Variants in ASMTL observed in about 807,000 individuals in gnomAD.
ASMTL encodes the protein probable bifunctional dTTP/UTP pyrophosphatase/methyltransferase protein.
A neutral mutation model predicts 60.3 loss-of-function variants in ASMTL; 57 were observed. The ratio of observed to expected loss-of-function variants is 0.95; its 90% confidence interval spans 0.76 to 1.18. The LOEUF (loss-of-function observed/expected upper bound fraction) is 1.18, where lower values mean the gene tolerates loss of function less well. Among genes scored for constraint, ASMTL ranks in the 50% most tolerant of loss-of-function variants. The pLI is 0.00. For missense variants in ASMTL, 981 were observed against 852.6 expected, an observed-to-expected ratio of 1.15 and a Z score of -1.88; for synonymous variants, 419 against 373.0, an observed-to-expected ratio of 1.12 and a Z score of -1.42.
intron 1 of ASMTL, among the ~76,000 whole-genome samples, chrX:1,451,484 TA>T (rs2091382107): frequency 1.1e-4 from 7 of 64,362 alleles, no homozygotes; most frequent in East Asian, 4.9e-4. Flanking sequence ...TTACTCTCCC[TA>T]CCCCCATCCC....
At position 1,421,732 on chromosome X, in the gene ASMTL, G is replaced by A; in HGVS notation, c.1171C>T (p.Leu391=). 1 of 1,613,924 alleles carries A rather than the reference G, an allele frequency of 6.2e-7. No individual in the cohort carries two copies. The highest frequency in any genetic ancestry group is 1.1e-5 in the South Asian group (1 of 91,076). Residue 391 remains leucine (L), a synonymous_variant, in exon 9 of 13, where the codon CTG becomes TTG. Coordinates refer to ENST00000381317, the MANE Select transcript of ASMTL (RefSeq NM_004192.4). ...NDLTWNLFTY[L]EFAIREGTNQ... ...GTTCCCTCTCGGATGGCAAACTCCA[G>A]GTATGTAAAGAGGTTCCATGTGAGG...
chrX:1,420,236 G>GTC (rs2090444284), intron 9 of ASMTL, among the ~76,000 whole-genome samples: 1 of 150,186 alleles, frequency 6.7e-6, no homozygotes, highest in Non-Finnish European at 1.5e-5. Context: ...CTCACTATCT[G>GTC]TCTCCCATCT....
At chrX:1,427,502 C>T (rs1246709292) in intron 7 of ASMTL, among the ~76,000 whole-genome samples, 7 of 138,526 alleles carry the variant, frequency 5.1e-5, no homozygotes, top group Non-Finnish European at 1.1e-4. Context: ...ACGTGGAGGA[C>T]GTGGCAGAGA....
chrX:1,423,773 CA>C (rs2090538462), intron 8 of ASMTL, among the ~76,000 whole-genome samples: 17 of 85,962 alleles, frequency 2.0e-4, no homozygotes, highest in South Asian at 7.1e-4. Context: ...TCCGTCCACC[CA>C]CCCATCCATC....
chrX:1,445,388 A>G (rs1205528045), intron 1 of ASMTL, among the ~76,000 whole-genome samples: 1 of 152,110 alleles, frequency 6.6e-6, no homozygotes. Context: ...AACCTGGCCA[A>G]ACTTGGCTTA....
intron 8 of ASMTL, among the ~76,000 whole-genome samples, chrX:1,423,038 CGTCTCCTGG>C (rs1429012535): frequency 6.6e-6 from 1 of 152,104 alleles, no homozygotes; most frequent in Non-Finnish European, 1.5e-5. Flanking sequence ...CTGCAAGCTC[CGTCTCCTGG>C]GTTCATGCCA....
chrX:1,440,576 AC>A (rs1468269195), intron 2 of ASMTL, among the ~76,000 whole-genome samples: 1 of 152,232 alleles, frequency 6.6e-6, no homozygotes, highest in African/African-American at 2.4e-5. Context: ...GTCATATATA[AC>A]ATATAGTAAT....
At chrX:1,415,847 C>T (rs1255273188) in intron 11 of ASMTL, among the ~76,000 whole-genome samples, 1 of 151,814 alleles carries the variant, frequency 6.6e-6, no homozygotes, top group African/African-American at 2.4e-5. Flanking sequence ...GACGCACAGA[C>T]ACAGACACAG....
At chrX:1,418,544 A>G (rs2149294623) in intron 10 of ASMTL, among the ~76,000 whole-genome samples, 1 of 152,106 alleles carries the variant, frequency 6.6e-6, no homozygotes, top group Admixed American at 6.5e-5. Context: ...GCCACTCTGG[A>G]CCACAAGGAG....
rs186190576 is a variant in ASMTL, at chrX:1,444,715, G to T, written c.94-2398C>A. Among the ~76,000 whole-genome samples the T allele has an allele frequency of 2.6e-3, 398 of 152,142 alleles. 2 individuals carry two copies. The highest frequency in any genetic ancestry group is 8.5e-3 in the African/African-American group (354 of 41,512). ...TCCCTCTTTGAGTGTTGGGAGTGGA[G>T]GTTCTCTTGCAACCCAGGAAGCTGT... On this transcript the variant is annotated intron_variant, in intron 1 of 12. Transcript: ENST00000381317.
chrX:1,432,862 C>T (rs1381073961), intron 5 of ASMTL, among the ~76,000 whole-genome samples: 445 of 151,914 alleles, frequency 2.9e-3, no homozygotes, highest in Admixed American at 4.9e-3. Context: ...GTTTGGGCGG[C>T]CGAGGCGGAT....
In ASMTL at chrX:1,425,560, C is replaced by T. The variant is rs746950391; in HGVS notation, c.1025G>A (p.Cys342Tyr). ...ACGMERLLDI[C>Y]AAMGLLEKTE... ...CTTCTCCAGGAGCCCCATGGCAGCA[C>T]AGATGTCCAGAAGCCTCTCCATTCC... is the stretch of plus-strand genomic sequence containing the variant. The change falls in exon 8 of 13, where the codon TGT becomes TAT. Residue 342 changes from cysteine to tyrosine, a missense_variant. Physicochemically the swap from Cys to Tyr is radical, Grantham distance 194. Coordinates refer to ENST00000381317, the MANE Select transcript of ASMTL (RefSeq NM_004192.4). The T allele has an allele frequency of 6.2e-7, 1 of 1,613,466 alleles. No individual in the cohort carries two copies. The highest frequency in any genetic ancestry group is 1.1e-5 in the South Asian group (1 of 91,072).
At position 1,425,549 on chromosome X, in the gene ASMTL, C is replaced by G. The variant is rs2090592536; in HGVS notation, c.1036G>C (p.Gly346Arg). 1.2e-6 allele frequency: 2 copies of G among 1,613,268 alleles called. No homozygotes were observed. Among genetic ancestry groups the G allele is most frequent in the Non-Finnish European group, 8.5e-7 (1 of 1,179,768 alleles). Residue 346 changes from glycine (G) to arginine (R), a missense_variant, in exon 8 of 13, where the codon GGG (glycine) becomes CGG (arginine). By Grantham distance (125) the Gly-to-Arg change is moderately radical (BLOSUM62 -2). Coordinates refer to ENST00000381317, the MANE Select transcript of ASMTL (RefSeq NM_004192.4). The stretch of plus-strand genomic sequence containing the variant: ...CCTTGCTCTGTCTTCTCCAGGAGCC[C>G]CATGGCAGCACAGATGTCCAGAAGC... ...ERLLDICAAMGLLEKTEQGYS... is the reference protein window; with the variant it reads ...ERLLDICAAMRLLEKTEQGYS...
chrX:1,420,023 A>G (rs1168953806), intron 9 of ASMTL, among the ~76,000 whole-genome samples: 3 of 102,712 alleles, frequency 2.9e-5, no homozygotes, highest in African/African-American at 1.0e-4. Context: ...GTTTCTTTCT[A>G]TCTCCCTCTG....
At chrX:1,407,044 AGATGGATG>A (rs1235211739) in intron 12 of ASMTL, among the ~76,000 whole-genome samples, 4 of 22,234 alleles carry the variant, frequency 1.8e-4, no homozygotes, top group Non-Finnish European at 2.8e-4. Context: ...ATGGGTAGGT[AGATGGATG>A]GATGGATGGA....
intron 5 of ASMTL, 83 bp downstream of exon 5, chrX:1,434,939 C>T: frequency 6.7e-7 from 1 of 1,496,528 alleles, no homozygotes; most frequent in Non-Finnish European, 9.3e-7. Flanking sequence ...AACCGTCCTC[C>T]TCCCTCAAGC....
chrX:1,441,965 T>A (rs2091119233), intron 2 of ASMTL: 1 of 562,952 alleles, frequency 1.8e-6, no homozygotes, highest in East Asian at 2.9e-5. Flanking sequence ...GAGAATATTA[T>A]AACACACAGT....
intron 5 of ASMTL, among the ~76,000 whole-genome samples, chrX:1,434,742 C>T (rs1467296426): frequency 6.7e-6 from 1 of 149,152 alleles, no homozygotes; most frequent in Non-Finnish European, 1.5e-5. Flanking sequence ...TTGCAGTGAG[C>T]TGAGATCGTG....
intron 2 of ASMTL, among the ~76,000 whole-genome samples, chrX:1,439,787 G>A (rs1263257892): frequency 2.7e-5 from 4 of 150,034 alleles, no homozygotes; most frequent in Non-Finnish European, 5.9e-5. Flanking sequence ...AGTGAGCCAA[G>A]GTTGCGCACC....
Sources: allele counts gnomAD v4.1 joint callset (sites outside exome capture counted in the v4.1 genomes callset), GRCh38; gene constraint gnomAD v4.1.1; transcripts MANE v1.5; gene names NCBI Gene and HGNC (gene_info 2026-07-23, HGNC 2026-07-21).